The following MIS18A variants were observed in gnomAD, a reference collection of about 807,000 sequenced individuals.
The protein encoded by MIS18A is MIS18 kinetochore protein A, also known as protein Mis18-alpha.
MIS18A carries 14 observed loss-of-function variants against 25.0 expected under a neutral mutation model. The ratio of observed to expected loss-of-function variants is 0.56; its 90% CI spans 0.37 to 0.88. The LOEUF (loss-of-function observed/expected upper bound fraction) is 0.88. Among genes scored for constraint, MIS18A ranks in the 40% least tolerant of loss-of-function variants. The pLI is 0.00. For synonymous variants in MIS18A, 134 were observed against 118.6 expected (o/e 1.13, Z -0.84); for missense variants, 292 against 290.8 (o/e 1.00, Z -0.03).
chr21:32,232,133 A>C, the MIS18A span, among the ~76,000 whole-genome samples: 1 of 152,190 alleles, frequency 6.6e-6, no homozygotes, highest in East Asian at 1.9e-4. Flanking sequence ...GTATGTATAT[A>C]TCTATCTCTA....
chr21:32,157,002 T>C, the MIS18A span, among the ~76,000 whole-genome samples: 2 of 151,972 alleles, frequency 1.3e-5, no homozygotes, highest in African/African-American at 4.8e-5. Flanking sequence ...CAAACAGAAC[T>C]TATATGGCCC....
At chr21:32,182,758 G>C in the MIS18A span, among the ~76,000 whole-genome samples, 1 of 152,202 alleles carries the variant, frequency 6.6e-6, no homozygotes, top group Non-Finnish European at 1.5e-5. Flanking sequence ...GGTGGGGCAA[G>C]TGACTTCACA....
chr21:32,189,646 G>A, the MIS18A span, among the ~76,000 whole-genome samples: 6 of 152,216 alleles, frequency 3.9e-5, no homozygotes, highest in Middle Eastern at 3.4e-3. Context: ...ATCCCTTTAC[G>A]TTTTATCATG....
At chr21:32,181,318 G>A in the MIS18A span, among the ~76,000 whole-genome samples, 11 of 152,126 alleles carry the variant, frequency 7.2e-5, no homozygotes, top group East Asian at 3.9e-4. Flanking sequence ...CAGCTTGCAG[G>A]TAGTAGATCG....
At chr21:32,276,001 CTAGAACAGATTACTACTCTT>C (rs2031801479) in intron 1 of MIS18A, among the ~76,000 whole-genome samples, 1 of 152,138 alleles carries the variant, frequency 6.6e-6, no homozygotes, top group African/African-American at 2.4e-5. Flanking sequence ...AACGTACTCA[CTAGAACAGATTACTACTCTT>C]TAGAACAGAC....
chr21:32,183,488 T>G, the MIS18A span, among the ~76,000 whole-genome samples: 1 of 152,224 alleles, frequency 6.6e-6, no homozygotes, highest in Non-Finnish European at 1.5e-5. Flanking sequence ...TAGCACAAAC[T>G]CATATGAATG....
chr21:32,191,330 C>T, the MIS18A span, among the ~76,000 whole-genome samples: 1 of 152,190 alleles, frequency 6.6e-6, no homozygotes, highest in African/African-American at 2.4e-5. Context: ...TGGCTCACAC[C>T]TATAATCCCA....
the MIS18A span, among the ~76,000 whole-genome samples, chr21:32,217,397 C>T: frequency 6.6e-6 from 1 of 151,866 alleles, no homozygotes; most frequent in Non-Finnish European, 1.5e-5. Flanking sequence ...AAGAAAGAAA[C>T]AACATACTTG....
the MIS18A span, among the ~76,000 whole-genome samples, chr21:32,186,055 G>T: frequency 6.6e-6 from 1 of 151,980 alleles, no homozygotes; most frequent in Non-Finnish European, 1.5e-5. Context: ...GTTTAATTTT[G>T]CTGCTGACAA....
the MIS18A span, among the ~76,000 whole-genome samples, chr21:32,255,767 T>G: frequency 1.3e-5 from 2 of 151,672 alleles, no homozygotes; most frequent in East Asian, 2.0e-4. Flanking sequence ...GGTGTGCGCC[T>G]GTAGTGCTAG....
the MIS18A span, among the ~76,000 whole-genome samples, chr21:32,243,242 A>G: frequency 3.3e-5 from 5 of 152,224 alleles, no homozygotes; most frequent in African/African-American, 9.7e-5. Context: ...GCTAAATTGG[A>G]CTTTATCAAA....
chr21:32,196,424 G>T, the MIS18A span, among the ~76,000 whole-genome samples: 1 of 151,564 alleles, frequency 6.6e-6, no homozygotes, highest in Non-Finnish European at 1.5e-5. Flanking sequence ...CAGATCTTGG[G>T]GCTTCTCAAC....
At chr21:32,210,276 T>C in the MIS18A span, among the ~76,000 whole-genome samples, 1 of 152,344 alleles carries the variant, frequency 6.6e-6, no homozygotes, top group Middle Eastern at 3.4e-3. Context: ...TGAGTTGTTA[T>C]TTGTACAACC....
the MIS18A span, among the ~76,000 whole-genome samples, chr21:32,238,242 T>C: frequency 6.6e-6 from 1 of 152,200 alleles, no homozygotes; most frequent in Non-Finnish European, 1.5e-5. Flanking sequence ...AGAATCCACA[T>C]GGCTAAATTA....
the MIS18A span, among the ~76,000 whole-genome samples, chr21:32,235,181 A>AATACTGGATACTCAC: frequency 6.6e-6 from 1 of 152,170 alleles, no homozygotes; most frequent in South Asian, 2.1e-4. Flanking sequence ...TATGAATGCC[A>AATACTGGATACTCAC]ATACTGGATA....
chr21:32,229,462 C>T, the MIS18A span, among the ~76,000 whole-genome samples: 4 of 151,934 alleles, frequency 2.6e-5, no homozygotes, highest in African/African-American at 9.7e-5. Flanking sequence ...CGAAAGAAGG[C>T]TTTGCACTTC....
chr21:32,215,954 G>A, the MIS18A span, among the ~76,000 whole-genome samples: 1 of 152,152 alleles, frequency 6.6e-6, no homozygotes, highest in Non-Finnish European at 1.5e-5. Context: ...AACATTCTAA[G>A]ATGAATTTCT....
At chr21:32,259,291 C>T in the MIS18A span, among the ~76,000 whole-genome samples, 2 of 152,172 alleles carry the variant, frequency 1.3e-5, no homozygotes, top group Non-Finnish European at 2.9e-5. Flanking sequence ...GACCGCAGGC[C>T]TCTGGAGGGC....
At chr21:32,232,126 T>C in the MIS18A span, among the ~76,000 whole-genome samples, 24,054 of 152,116 alleles carry the variant, frequency 0.16, 1,964 homozygotes, top group Admixed American at 0.21. Context: ...TGTACATGTA[T>C]GTATATATCT....
Sources: allele counts gnomAD v4.1 joint callset (sites outside exome capture counted in the v4.1 genomes callset), GRCh38; gene constraint gnomAD v4.1.1; transcripts MANE v1.5; gene names NCBI Gene and HGNC (gene_info 2026-07-23, HGNC 2026-07-21).